Variants in TGM5 observed in about 807,000 individuals in gnomAD.
TGM5 encodes protein-glutamine gamma-glutamyltransferase 5.
Under a neutral mutation model 77.2 loss-of-function variants are expected in TGM5, and 69 were observed. That is an observed-to-expected ratio of 0.89 (90% CI 0.74 to 1.09). TGM5 has a LOEUF of 1.09. Ranked by LOEUF, TGM5 falls within the 50% of genes least tolerant of loss-of-function variation. The pLI is 0.00. For missense variants in TGM5, 842 were observed against 896.5 expected, an observed-to-expected ratio of 0.94 and a Z score of 0.78; for synonymous variants, 346 against 351.8, an observed-to-expected ratio of 0.98 and a Z score of 0.18.
At chr15:43,266,530 G>T (rs1210103779) in intron 1 of TGM5, among the ~76,000 whole-genome samples, 1 of 152,120 alleles carries the variant, frequency 6.6e-6, no homozygotes, top group Non-Finnish European at 1.5e-5. Context: ...ATGTCAAAGG[G>T]TCAGCTAGTA....
chr15:43,255,006 G>C lies in TGM5; in HGVS notation c.556-1372C>G, dbSNP rs187766243. Reference sequence around the variant, plus strand: ...AGCACTTAGCACCCTGCCTGGCACTGAGCAGGCGATCAATATATATTTAAT... The same window carrying C: ...AGCACTTAGCACCCTGCCTGGCACTCAGCAGGCGATCAATATATATTTAAT... On this transcript the variant is annotated intron_variant, in intron 4 of 12. Transcript: ENST00000220420. 2.0e-5 allele frequency among the ~76,000 whole-genome samples: 3 copies of C among 152,216 alleles called. No homozygotes were observed. The East Asian group carries it at 5.8e-4, about 29-fold the overall frequency.
Position 43,256,736 on chromosome 15 carries a change from A to G in TGM5, c.437-50T>C, listed in dbSNP as rs192800756. 4.0e-5 allele frequency: 53 copies of G among 1,320,222 alleles called. No homozygotes were observed. In the African/African-American group the frequency reaches 7.2e-4, roughly 18 times the overall value. 81.8% of individuals were successfully genotyped at this position (1,320,222 alleles called of 1,614,324 possible). A position where few individuals can be genotyped will look rare whatever the true frequency, so the allele number is the denominator to read the frequency against. On this transcript the variant is annotated intron_variant, in intron 3 of 12. Coordinates refer to ENST00000220420, the MANE Select transcript of TGM5 (RefSeq NM_201631.4). ...GAAGCAGAAAAGTCACCTTTCCCTT[A>G]CTGCCCCATTCTCATCCCCACAGTC...
At chr15:43,259,412 G>T (rs992090332) in intron 3 of TGM5, among the ~76,000 whole-genome samples, 1 of 150,798 alleles carries the variant, frequency 6.6e-6, no homozygotes, top group African/African-American at 2.4e-5. Context: ...TAAGAAGAAT[G>T]CTCCGATAGG....
chr15:43,241,291 C>T (rs2042634541), intron 6 of TGM5: 1 of 449,370 alleles, frequency 2.2e-6, no homozygotes, highest in East Asian at 4.5e-5. Flanking sequence ...GCAAGCCTTT[C>T]CTTTGGCAAA....
intron 6 of TGM5, among the ~76,000 whole-genome samples, chr15:43,245,563 C>A (rs2042664015): frequency 6.6e-6 from 1 of 152,146 alleles, no homozygotes; most frequent in African/African-American, 2.4e-5. Context: ...CATCTGTTTT[C>A]CATGATAATC....
At chr15:43,245,749 T>G (rs764276425) in intron 6 of TGM5, among the ~76,000 whole-genome samples, 1 of 151,990 alleles carries the variant, frequency 6.6e-6, no homozygotes, top group African/African-American at 2.4e-5. Context: ...ATATCAACCT[T>G]GAAGGAGCAA....
chr15:43,250,869 C>A (rs946568486), intron 6 of TGM5, among the ~76,000 whole-genome samples: 4 of 152,192 alleles, frequency 2.6e-5, no homozygotes, highest in Admixed American at 2.0e-4. Flanking sequence ...CTTTGACCAA[C>A]CCTTTGTTTT....
chr15:43,253,708 C>T, intron 4 of TGM5, 74 bp from the exon 5 acceptor site: 1 of 1,580,622 alleles, frequency 6.3e-7, no homozygotes, highest in Non-Finnish European at 8.6e-7. Flanking sequence ...AATGACTTCC[C>T]CCCAACCCTA....
chr15:43,237,346 T>A (rs936778655), intron 9 of TGM5, among the ~76,000 whole-genome samples: 3 of 152,176 alleles, frequency 2.0e-5, no homozygotes, highest in African/African-American at 7.2e-5. Flanking sequence ...AGAATTTACA[T>A]CCCCCAGGAA....
In TGM5 at chr15:43,256,564, TC is replaced by T. The variant is rs1422082839; in HGVS notation, c.555+3del. The T allele has an allele frequency of 6.2e-7, 1 of 1,610,852 alleles. No homozygotes were observed. On this transcript the variant is annotated splice_donor_region_variant and intron_variant, in intron 4 of 12. Transcript: ENST00000220420. Reference sequence around the variant, plus strand: ...GATGGGCCATAAGCAGGGCTGAGACTCACCTGTCCATAGTTCCAGGGACATG... The same window carrying T: ...GATGGGCCATAAGCAGGGCTGAGACTACCTGTCCATAGTTCCAGGGACATG...
At chr15:43,252,986 A>T in intron 5 of TGM5, 50 bp from the exon 6 acceptor site, 2 of 1,597,384 alleles carry the variant, frequency 1.3e-6, no homozygotes, top group Non-Finnish European at 1.7e-6. Context: ...TTTCCTCAAC[A>T]TGCCATGTGT....
chr15:43,239,487 A>C (rs990350983), intron 7 of TGM5: 5 of 583,324 alleles, frequency 8.6e-6, no homozygotes, highest in African/African-American at 5.6e-5. Context: ...TTCAAGATTA[A>C]CCTGGGCAAA....
chr15:43,237,967 C>A (rs2042602458), intron 9 of TGM5, among the ~76,000 whole-genome samples: 1 of 152,216 alleles, frequency 6.6e-6, no homozygotes, highest in South Asian at 2.1e-4. Context: ...GCCGGAGGCC[C>A]CAGGGAGTGG....
Position 43,266,910 on chromosome 15 carries a change from A to G in TGM5, c.-61T>C, listed in dbSNP as rs1179256013. On this transcript the variant is annotated 5_prime_UTR_variant, in exon 1 of 13. Coordinates refer to ENST00000220420, the MANE Select transcript of TGM5 (RefSeq NM_201631.4). Reference sequence around the variant, plus strand: ...GAACAGCTGGGCGGTCTGGAGCTTCAGCAAACTGGTGCCAGAGTGTCTACT... The same window carrying G: ...GAACAGCTGGGCGGTCTGGAGCTTCGGCAAACTGGTGCCAGAGTGTCTACT... The G allele has an allele frequency of 9.3e-6, 15 of 1,610,886 alleles. No homozygotes were observed. Among genetic ancestry groups the G allele is most frequent in the Non-Finnish European group, 1.2e-5 (14 of 1,178,340 alleles).
chr15:43,251,200 T>C (rs973610526), intron 6 of TGM5, among the ~76,000 whole-genome samples: 1 of 152,170 alleles, frequency 6.6e-6, no homozygotes, highest in Non-Finnish European at 1.5e-5. Flanking sequence ...TCCTTGTTTC[T>C]TATACCTGGG....
At chr15:43,243,073 C>T (rs922633140) in intron 6 of TGM5, among the ~76,000 whole-genome samples, 6 of 152,144 alleles carry the variant, frequency 3.9e-5, no homozygotes, top group African/African-American at 7.2e-5. Context: ...AAACATGACT[C>T]GATGGGCACT....
At chr15:43,240,089 C>T (rs921906344) in intron 7 of TGM5, among the ~76,000 whole-genome samples, 35 of 152,268 alleles carry the variant, frequency 2.3e-4, no homozygotes, top group African/African-American at 7.9e-4. Flanking sequence ...AACCCCTTTT[C>T]CCCAAAGGCA....
Position 43,233,572 on chromosome 15 carries a change from T to C in TGM5, c.1991A>G (p.Lys664Arg). ...VLTVEGSGLFKKQQKVFLGVL... is the reference protein window; with the variant it reads ...VLTVEGSGLFRKQQKVFLGVL... Reference sequence around the variant, plus strand: ...CACTTACAAGACTTTCTGCTGTTTCTTGAAGAGGCCACTTCCTTCCACAGT... The same window carrying C: ...CACTTACAAGACTTTCTGCTGTTTCCTGAAGAGGCCACTTCCTTCCACAGT... Residue 664 changes from lysine to arginine, a missense_variant, in exon 12 of 13, where the codon AAG becomes AGG. Physicochemically the swap from Lys to Arg is conservative, Grantham distance 26. Around this residue, in one of 2 missense-constraint regions of TGM5, gnomAD observed 815 missense variants for 844.6 expected, o/e 0.96. Coordinates refer to ENST00000220420, the MANE Select transcript of TGM5 (RefSeq NM_201631.4). 1.9e-6 allele frequency: 3 copies of C among 1,614,228 alleles called. No individual in the cohort carries two copies. The highest frequency in any genetic ancestry group is 1.7e-6 in the Non-Finnish European group (2 of 1,180,042).
chr15:43,248,606 T>C (rs927255624), intron 6 of TGM5, among the ~76,000 whole-genome samples: 6 of 152,206 alleles, frequency 3.9e-5, no homozygotes, highest in African/African-American at 9.6e-5. Flanking sequence ...CTACTCTCCA[T>C]GTATTAGTCA....
Sources: gnomAD v4.1 joint callset for allele counts (sites outside exome capture counted in the v4.1 genomes callset) on GRCh38, gnomAD v4.1.1 for gene constraint, gnomAD v4.1.1 regional missense constraint, MANE v1.5 for transcripts, NCBI Gene and HGNC (gene_info 2026-07-23, HGNC 2026-07-21) for gene names.